Variants in ADPGK observed in about 807,000 individuals in gnomAD.
The protein encoded by ADPGK is ADP-dependent glucokinase.
A neutral mutation model predicts 42.4 loss-of-function variants in ADPGK; 26 were observed. That is an observed-to-expected ratio of 0.61 (90% CI 0.45 to 0.85). The LOEUF (loss-of-function observed/expected upper bound fraction) is 0.85. ADPGK is among the 40% of genes least tolerant of loss of function. The probability of loss-of-function intolerance (pLI) is 0.00; values close to 1 mark genes in which losing one functional copy is unlikely to be tolerated. For synonymous variants in ADPGK, 267 were observed against 252.6 expected (o/e 1.06, Z -0.54); for missense variants, 571 against 627.0 (o/e 0.91, Z 0.95).
intron 1 of ADPGK, among the ~76,000 whole-genome samples, chr15:72,776,152 T>C (rs888720363): frequency 2.0e-5 from 3 of 152,210 alleles, no homozygotes; most frequent in African/African-American, 7.2e-5. Flanking sequence ...CAACTTGTAC[T>C]AAGGTTGTCT....
chr15:72,756,041 G>C, intron 5 of ADPGK: 1 of 703,688 alleles, frequency 1.4e-6, no homozygotes, highest in Non-Finnish European at 2.6e-6. Flanking sequence ...GCAAGAAGAT[G>C]TTCTGCCCTG....
chr15:72,763,919 T>C (rs1185064871), intron 3 of ADPGK, among the ~76,000 whole-genome samples: 1 of 152,236 alleles, frequency 6.6e-6, no homozygotes, highest in Non-Finnish European at 1.5e-5. Flanking sequence ...ATAACTGTTT[T>C]GGGACACCAC....
Position 72,783,701 on chromosome 15 carries a change from G to T in ADPGK, c.-10C>A, listed in dbSNP as rs575167722. 7 of 1,465,334 alleles carry T rather than the reference G, an allele frequency of 4.8e-6. No homozygotes were observed. The highest frequency in any genetic ancestry group is 2.7e-6 in the Non-Finnish European group (3 of 1,115,464). 90.8% of individuals were successfully genotyped at this position (1,465,334 alleles called of 1,614,324 possible). ...CGCGCCACAGCGCCATGGGGACCCA[G>T]GCGCCGCACCTGCGCGAACCAACTC... On this transcript the variant is annotated 5_prime_UTR_variant, in exon 1 of 7. The change creates a new upstream start codon in the 5' untranslated region. Coordinates refer to ENST00000456471, the MANE Select transcript of ADPGK (RefSeq NM_001365225.1).
rs886739857 is a variant in ADPGK, at chr15:72,764,275, C to T, written c.523-3748G>A. 5.3e-5 allele frequency among the ~76,000 whole-genome samples: 8 copies of T among 152,062 alleles called. No individual in the cohort carries two copies. In the South Asian group the frequency reaches 8.3e-4, roughly 16 times the overall value. Reference sequence around the variant, plus strand: ...TAAAAGTGCTACTCTAGTGAACATACGAATGTAAGAAAGCAAAACAAAACA... The same window carrying T: ...TAAAAGTGCTACTCTAGTGAACATATGAATGTAAGAAAGCAAAACAAAACA... On this transcript the variant is annotated intron_variant, in intron 3 of 6. Coordinates refer to ENST00000456471, the MANE Select transcript of ADPGK (RefSeq NM_001365225.1).
At chr15:72,783,234 G>C (rs1379308277) in intron 1 of ADPGK, 8 of 1,235,458 alleles carry the variant, frequency 6.5e-6, no homozygotes, top group Non-Finnish European at 8.1e-6. Context: ...AAGCTGTTAG[G>C]GCTGGTCCTA....
Position 72,754,302 on chromosome 15 carries a change from G to A in ADPGK, c.939+1254C>T, listed in dbSNP as rs1019896847. On this transcript the variant is annotated intron_variant, in intron 6 of 6. Transcript: ENST00000456471. ...TGGGAAGGGTTCTGGAACCGCCCCC[G>A]CCGCCCCACACACCGCTGATGACGA... Among the ~76,000 whole-genome samples, 3 of 152,184 alleles carry A rather than the reference G, an allele frequency of 2.0e-5. 1 individual carries two copies. Among genetic ancestry groups the A allele is most frequent in the Non-Finnish European group, 1.5e-5 (1 of 68,008 alleles).
intron 3 of ADPGK, among the ~76,000 whole-genome samples, chr15:72,771,320 G>A (rs552486145): frequency 1.2e-4 from 18 of 152,072 alleles, no homozygotes; most frequent in Non-Finnish European, 1.8e-4. Flanking sequence ...TCACCAACAC[G>A]GCCAACCGTT....
At chr15:72,754,361 T>G (rs1169141000) in intron 6 of ADPGK, among the ~76,000 whole-genome samples, 3 of 152,198 alleles carry the variant, frequency 2.0e-5, no homozygotes, top group Non-Finnish European at 4.4e-5. Flanking sequence ...CATTTTTTCA[T>G]CTGTCAGACT....
intron 6 of ADPGK, among the ~76,000 whole-genome samples, chr15:72,755,095 G>C (rs4776612): frequency 0.95 from 145,268 of 152,294 alleles, 69,690 homozygotes; most frequent in East Asian, 1. Context: ...GCTGGCATGC[G>C]AACCCAGGTC....
intron 1 of ADPGK, among the ~76,000 whole-genome samples, chr15:72,782,351 T>TA (rs919126346): frequency 5.9e-5 from 9 of 151,334 alleles, no homozygotes; most frequent in East Asian, 1.9e-4. Context: ...TCGACTCTAC[T>TA]AAAAAAAATA....
intron 3 of ADPGK, among the ~76,000 whole-genome samples, chr15:72,766,478 G>A (rs2066261484): frequency 6.6e-6 from 1 of 152,202 alleles, no homozygotes; most frequent in Admixed American, 6.5e-5. Context: ...CACTCTGCCA[G>A]CAAAAAGATT....
intron 3 of ADPGK, among the ~76,000 whole-genome samples, chr15:72,764,453 T>C (rs1032015778): frequency 6.6e-6 from 1 of 152,190 alleles, no homozygotes; most frequent in Non-Finnish European, 1.5e-5. Context: ...TCCAATTCTA[T>C]GAAGGCTGAG....
chr15:72,756,548 A>G (rs2066117495), intron 4 of ADPGK, 101 bp from the exon 5 acceptor site: 3 of 1,313,322 alleles, frequency 2.3e-6, no homozygotes, highest in African/African-American at 2.9e-5. Flanking sequence ...CTTGGCTCCA[A>G]GCAGGCTGGT....
At chr15:72,781,923 A>C (rs2066463290) in intron 1 of ADPGK, among the ~76,000 whole-genome samples, 1 of 152,222 alleles carries the variant, frequency 6.6e-6, no homozygotes. Context: ...AATAAGAGGC[A>C]CCAGGAGTGT....
At chr15:72,781,060 T>A (rs1345801684) in intron 1 of ADPGK, among the ~76,000 whole-genome samples, 1 of 152,182 alleles carries the variant, frequency 6.6e-6, no homozygotes, top group Non-Finnish European at 1.5e-5. Context: ...AATACGAGTG[T>A]GTCTCTAGAG....
In ADPGK at chr15:72,774,861, A is replaced by C; in HGVS notation, c.459+11T>G. ...TCCACCCTTAATTTACTATTGCTGA[A>C]CCAAACAGACCTGGGCTCCTGGGAA... On this transcript the variant is annotated intron_variant, in intron 2 of 6. Transcript: ENST00000456471. The C allele has an allele frequency of 6.2e-7, 1 of 1,603,966 alleles. No homozygotes were observed. The highest frequency in any genetic ancestry group is 8.5e-7 in the Non-Finnish European group (1 of 1,171,830).
intron 3 of ADPGK, among the ~76,000 whole-genome samples, chr15:72,769,381 T>C (rs2066301025): frequency 6.6e-6 from 1 of 152,236 alleles, no homozygotes; most frequent in Non-Finnish European, 1.5e-5. Flanking sequence ...AGTCTTGCTC[T>C]GTCGCCCAGG....
Position 72,760,223 on chromosome 15 carries a change from C to CA in ADPGK, c.643+183dup, listed in dbSNP as rs1457942902. The stretch of plus-strand genomic sequence containing the variant: ...GAATTTTCTTCCATGTTATAATACT[C>CA]AGTCTCCCTTGAGACAACGGCCAGT... On this transcript the variant is annotated intron_variant, in intron 4 of 6. Coordinates refer to ENST00000456471, the MANE Select transcript of ADPGK (RefSeq NM_001365225.1). 1.9e-5 allele frequency: 11 copies of CA among 591,600 alleles called. No homozygotes were observed. In the African/African-American group the frequency reaches 1.9e-4, roughly 10 times the overall value. The allele number at this position is 591,600 out of a possible 1,614,324, so 36.6% of individuals were successfully genotyped here. A position where few individuals can be genotyped will look rare whatever the true frequency, so the allele number is the denominator to read the frequency against.
intron 1 of ADPGK, among the ~76,000 whole-genome samples, chr15:72,778,167 T>C (rs1403530820): frequency 6.6e-6 from 1 of 152,156 alleles, no homozygotes; most frequent in Non-Finnish European, 1.5e-5. Context: ...GAGGATCACT[T>C]GAGCCTGGGA....
Sources: allele counts gnomAD v4.1 joint callset (sites outside exome capture counted in the v4.1 genomes callset), GRCh38; gene constraint gnomAD v4.1.1; transcripts MANE v1.5; gene names NCBI Gene and HGNC (gene_info 2026-07-23, HGNC 2026-07-21).